Variants in TUSC3 observed in about 807,000 individuals in gnomAD.
TUSC3 encodes the protein dolichyl-diphosphooligosaccharide--protein glycosyltransferase subunit TUSC3.
Under a neutral mutation model 44.8 loss-of-function variants are expected in TUSC3, and 45 were observed. The ratio of observed to expected loss-of-function variants is 1.00; its 90% CI spans 0.79 to 1.29. The LOEUF is 1.29. TUSC3 is among the 50% of genes most tolerant of loss of function. TUSC3 has a pLI of 0.00. For synonymous variants in TUSC3, 212 were observed against 152.9 expected, an observed-to-expected ratio of 1.39 and a Z score of -2.85; for missense variants, 519 against 437.9, an observed-to-expected ratio of 1.19 and a Z score of -1.65.
chr8:15,770,727 A>G (rs1220252303), downstream of TUSC3, among the ~76,000 whole-genome samples: 1 of 152,178 alleles, frequency 6.6e-6, no homozygotes, highest in Non-Finnish European at 1.5e-5. Context: ...AGTTGTTGAA[A>G]TGATCCAGTC....
At chr8:15,708,159 A>G (rs1809698157) in intron 6 of TUSC3, among the ~76,000 whole-genome samples, 1 of 151,962 alleles carries the variant, frequency 6.6e-6, no homozygotes, top group Non-Finnish European at 1.5e-5. Flanking sequence ...CAACCTCACT[A>G]CACTGGGCAG....
chr8:15,800,020 T>C, the TUSC3 span, among the ~76,000 whole-genome samples: 3 of 152,256 alleles, frequency 2.0e-5, no homozygotes, highest in African/African-American at 7.2e-5. Flanking sequence ...GGAACCCCAA[T>C]TGTTTATAAC....
At chr8:15,466,710 A>T (rs17657403) in intron 1 of TUSC3, among the ~76,000 whole-genome samples, 2 of 152,014 alleles carry the variant, frequency 1.3e-5, no homozygotes, top group Non-Finnish European at 2.9e-5. Flanking sequence ...ATTTTCTTTA[A>T]TTCCTGTTTT....
At chr8:15,708,049 T>C (rs1809691850) in intron 6 of TUSC3, among the ~76,000 whole-genome samples, 1 of 151,956 alleles carries the variant, frequency 6.6e-6, no homozygotes, top group Non-Finnish European at 1.5e-5. Context: ...GTTATAAAGA[T>C]ACTCTCATTG....
intron 1 of TUSC3, among the ~76,000 whole-genome samples, chr8:15,618,316 T>C (rs948435674): frequency 6.6e-6 from 1 of 152,246 alleles, no homozygotes; most frequent in Admixed American, 6.5e-5. Context: ...TTTAACTTTT[T>C]GACTCTTGTA....
At chr8:15,600,846 A>ATCTT (rs1804257044) in intron 1 of TUSC3, among the ~76,000 whole-genome samples, 1 of 151,756 alleles carries the variant, frequency 6.6e-6, no homozygotes, top group African/African-American at 2.4e-5. Flanking sequence ...GATTGGTTAA[A>ATCTT]TGTGCTATCA....
At chr8:15,637,231 TC>T (rs1236053306) in intron 2 of TUSC3, among the ~76,000 whole-genome samples, 3 of 147,570 alleles carry the variant, frequency 2.0e-5, no homozygotes, top group South Asian at 4.5e-4. Flanking sequence ...CCCCATTCCC[TC>T]TTAAACTTTT....
intron 1 of TUSC3, among the ~76,000 whole-genome samples, chr8:15,440,735 T>C (rs1395302156): frequency 6.6e-6 from 1 of 152,240 alleles, no homozygotes; most frequent in Non-Finnish European, 1.5e-5. Context: ...GAATAGACAC[T>C]ATGATATTCT....
chr8:15,808,618 G>T, the TUSC3 span, among the ~76,000 whole-genome samples: 1 of 152,164 alleles, frequency 6.6e-6, no homozygotes, highest in East Asian at 1.9e-4. Context: ...GAACATGGAA[G>T]ACAGAAGCAG....
downstream of TUSC3, among the ~76,000 whole-genome samples, chr8:15,767,663 G>A (rs909145645): frequency 1.3e-5 from 2 of 152,084 alleles, no homozygotes; most frequent in African/African-American, 4.8e-5. Flanking sequence ...GGCTTTGGAG[G>A]GAGCAGAATA....
downstream of TUSC3, among the ~76,000 whole-genome samples, chr8:15,768,260 T>G (rs1050667432): frequency 6.6e-6 from 1 of 152,138 alleles, no homozygotes; most frequent in Admixed American, 6.6e-5. Context: ...TGTGACAGTT[T>G]AGAAAAGTCA....
chr8:15,582,829 G>A (rs1803429678), intron 1 of TUSC3, among the ~76,000 whole-genome samples: 1 of 152,176 alleles, frequency 6.6e-6, no homozygotes, highest in Non-Finnish European at 1.5e-5. Flanking sequence ...CTTTACTAGA[G>A]CCAGTGACCT....
intron 6 of TUSC3, among the ~76,000 whole-genome samples, chr8:15,703,316 C>G (rs1809482564): frequency 6.6e-6 from 1 of 152,070 alleles, no homozygotes; most frequent in Non-Finnish European, 1.5e-5. Context: ...CATATTCCAG[C>G]TACTCTATAC....
intron 5 of TUSC3, among the ~76,000 whole-genome samples, chr8:15,673,401 A>G (rs1028094784): frequency 1.3e-5 from 2 of 152,044 alleles, no homozygotes; most frequent in African/African-American, 4.8e-5. Flanking sequence ...TTAAAATATC[A>G]CTAGAACATC....
the TUSC3 span, among the ~76,000 whole-genome samples, chr8:15,823,213 T>C: frequency 5.9e-5 from 9 of 152,190 alleles, no homozygotes; most frequent in Non-Finnish European, 1.0e-4. Context: ...CAGAATGAGT[T>C]TTCCGGAGCG....
chr8:15,433,169 T>C (rs989106161), intron 1 of TUSC3, among the ~76,000 whole-genome samples: 8 of 152,138 alleles, frequency 5.3e-5, no homozygotes, highest in Admixed American at 3.9e-4. Context: ...TTAAAGATGA[T>C]ATTTTGGTAC....
intron 6 of TUSC3, among the ~76,000 whole-genome samples, chr8:15,729,869 G>GA (rs968953795): frequency 1.4e-3 from 207 of 145,372 alleles, no homozygotes; most frequent in Non-Finnish European, 2.4e-3. Flanking sequence ...TTGAAGACGA[G>GA]AAAAAAAAAA....
chr8:15,719,094 T>A (rs1028330281), intron 6 of TUSC3, among the ~76,000 whole-genome samples: 2 of 152,228 alleles, frequency 1.3e-5, no homozygotes, highest in Non-Finnish European at 2.9e-5. Context: ...CTGGTCTCCT[T>A]GCTTCTATGC....
intron 1 of TUSC3, among the ~76,000 whole-genome samples, chr8:15,573,620 A>G (rs1802976010): frequency 6.6e-6 from 1 of 152,006 alleles, no homozygotes; most frequent in Non-Finnish European, 1.5e-5. Flanking sequence ...GGTTGGTGTC[A>G]CAGCTGAGGA....
Sources: allele counts gnomAD v4.1 joint callset (sites outside exome capture counted in the v4.1 genomes callset), GRCh38; gene constraint gnomAD v4.1.1; transcripts MANE v1.5; gene names NCBI Gene and HGNC (gene_info 2026-07-23, HGNC 2026-07-21).